The following CNTNAP5 variants were observed in gnomAD, a reference collection of about 807,000 sequenced individuals.
CNTNAP5 encodes the protein contactin associated protein family member 5.
CNTNAP5 carries 72 observed loss-of-function variants against 150.2 expected under a neutral mutation model. The ratio of observed to expected loss-of-function variants is 0.48; its 90% CI spans 0.40 to 0.58. The LOEUF (loss-of-function observed/expected upper bound fraction) is 0.58, where lower values mean the gene tolerates loss of function less well. Among genes scored for constraint, CNTNAP5 ranks in the 20% least tolerant of loss-of-function variants. The pLI, the probability that CNTNAP5 is intolerant of heterozygous loss-of-function variation, is 0.00. For missense variants in CNTNAP5, 1,636 were observed against 1,626.2 expected (o/e 1.01, Z -0.10); for synonymous variants, 672 against 619.8 (o/e 1.08, Z -1.25).
chr2:124,170,401 A>G (rs1684903037), intron 1 of CNTNAP5, among the ~76,000 whole-genome samples: 1 of 152,186 alleles, frequency 6.6e-6, no homozygotes, highest in Non-Finnish European at 1.5e-5. Context: ...TACCTGAGTT[A>G]GCTTTTCAGA....
intron 1 of CNTNAP5, among the ~76,000 whole-genome samples, chr2:124,211,910 G>A (rs747351565): frequency 3.9e-5 from 6 of 152,198 alleles, no homozygotes; most frequent in East Asian, 1.9e-4. Flanking sequence ...CCTGAGAAAC[G>A]AGGATTTTCA....
chr2:124,421,598 T>C (rs1488388015), intron 4 of CNTNAP5, among the ~76,000 whole-genome samples: 1 of 152,140 alleles, frequency 6.6e-6, no homozygotes, highest in Non-Finnish European at 1.5e-5. Flanking sequence ...AGTTCCTGCT[T>C]CCACACTACA....
At chr2:124,462,290 G>A (rs574297323) in intron 6 of CNTNAP5, among the ~76,000 whole-genome samples, 63 of 152,148 alleles carry the variant, frequency 4.1e-4, no homozygotes, top group Non-Finnish European at 6.9e-4. Context: ...GGCTCTGCCT[G>A]TGTATAAGAC....
chr2:124,027,638 C>G (rs550844387), intron 1 of CNTNAP5, among the ~76,000 whole-genome samples: 2 of 152,092 alleles, frequency 1.3e-5, no homozygotes. Context: ...TTATCATTAC[C>G]GATGTAGTAA....
At chr2:124,673,526 G>T (rs7569075) in intron 13 of CNTNAP5, among the ~76,000 whole-genome samples, 34,689 of 151,338 alleles carry the variant, frequency 0.23, 4,469 homozygotes, top group African/African-American at 0.36. Context: ...ACACATGAGG[G>T]TATATGTTAA....
chr2:124,332,617 A>C (rs565046385), intron 3 of CNTNAP5, among the ~76,000 whole-genome samples: 1 of 151,664 alleles, frequency 6.6e-6, no homozygotes, highest in Non-Finnish European at 1.5e-5. Flanking sequence ...ATGAACACTC[A>C]TTTAATTTAA....
At chr2:124,359,112 C>T (rs1690116347) in intron 3 of CNTNAP5, among the ~76,000 whole-genome samples, 1 of 152,130 alleles carries the variant, frequency 6.6e-6, no homozygotes, top group African/African-American at 2.4e-5. Context: ...GTAGTATTCT[C>T]TGATGGTAGT....
chr2:124,238,551 T>C (rs1158478118), intron 2 of CNTNAP5, among the ~76,000 whole-genome samples: 2 of 152,208 alleles, frequency 1.3e-5, no homozygotes, highest in Non-Finnish European at 2.9e-5. Flanking sequence ...GGTGAGATTA[T>C]TTTCTCTTTA....
Position 124,914,260 on chromosome 2 carries a change from G to A in CNTNAP5, c.3896G>A (p.Ser1299Asn), listed in dbSNP as rs756418087. The A allele has an allele frequency of 7.4e-6, 12 of 1,612,084 alleles. No homozygotes were observed. Among genetic ancestry groups the A allele is most frequent in the East Asian group, 6.7e-5 (3 of 44,734 alleles). ...RNEIDLQNTV[S>N]ECKREYFI ...GAAATTGACTTGCAAAACACAGTGA[G>A]CGAGTGTAAACGGGAATATTTCATC... The change falls in exon 24 of 24, where the codon AGC (serine) becomes AAC (asparagine). Residue 1299 changes from serine (S) to asparagine (N), a missense_variant. By Grantham distance (46) the Ser-to-Asn change is conservative. Transcript: ENST00000682447.
At chr2:124,404,672 C>T (rs1023151270) in intron 3 of CNTNAP5, among the ~76,000 whole-genome samples, 1 of 152,194 alleles carries the variant, frequency 6.6e-6, no homozygotes, top group African/African-American at 2.4e-5. Context: ...GTGTGTCAAT[C>T]CCGAGTAAGC....
chr2:124,695,337 T>C (rs1573553093), intron 13 of CNTNAP5, among the ~76,000 whole-genome samples: 1 of 152,154 alleles, frequency 6.6e-6, no homozygotes, highest in East Asian at 1.9e-4. Context: ...AAATCATGAG[T>C]TGAGTATTGT....
intron 21 of CNTNAP5, 133 bp downstream of exon 21, chr2:124,869,895 T>A (rs757064478): frequency 3.5e-5 from 17 of 485,592 alleles, no homozygotes; most frequent in Admixed American, 1.8e-4. Context: ...GAAACCAAGA[T>A]TTCTTATTCA....
chr2:124,445,081 C>CTT (rs1006938474), intron 5 of CNTNAP5, among the ~76,000 whole-genome samples: 10 of 131,820 alleles, frequency 7.6e-5, no homozygotes, highest in Admixed American at 2.3e-4. Flanking sequence ...ACACAAATAT[C>CTT]TTTTTTTTTT....
chr2:124,852,797 A>G (rs1351854201), intron 19 of CNTNAP5, among the ~76,000 whole-genome samples: 1 of 152,208 alleles, frequency 6.6e-6, no homozygotes, highest in Non-Finnish European at 1.5e-5. Context: ...TGCACAATGT[A>G]TTTAGTAGAG....
At chr2:124,855,167 CTTTTTTTTTT>C (rs70999224) in intron 19 of CNTNAP5, among the ~76,000 whole-genome samples, 7 of 71,434 alleles carry the variant, frequency 9.8e-5, no homozygotes, top group African/African-American at 3.0e-4. Context: ...TGGGCTTTTG[CTTTTTTTTTT>C]TTTTTTTTTT....
rs1181764524 is a variant in CNTNAP5 at position 124,786,007 on chromosome 2, A to G, written c.2753-3895A>G. Among the ~76,000 whole-genome samples, 3 of 152,228 alleles carry G rather than the reference A, an allele frequency of 2.0e-5. No homozygotes were observed. The East Asian group carries it at 5.8e-4, about 30-fold the overall frequency. On this transcript the variant is annotated intron_variant, in intron 17 of 23. Transcript: ENST00000682447. Reference sequence around the variant, plus strand: ...TCCCAGCACTTGGAGAGGCCAAGGCAGGAGGATTGCTCGAGCTCAGCGTTT... The same window carrying G: ...TCCCAGCACTTGGAGAGGCCAAGGCGGGAGGATTGCTCGAGCTCAGCGTTT...
At chr2:124,088,866 G>A (rs1682757055) in intron 1 of CNTNAP5, among the ~76,000 whole-genome samples, 1 of 152,114 alleles carries the variant, frequency 6.6e-6, no homozygotes, top group Admixed American at 6.5e-5. Context: ...GGAAGTGCAG[G>A]TTCACCACTC....
At chr2:124,619,795 A>G (rs948281368) in intron 12 of CNTNAP5, among the ~76,000 whole-genome samples, 1 of 148,466 alleles carries the variant, frequency 6.7e-6, no homozygotes, top group African/African-American at 2.5e-5. Context: ...CTAAACCTTC[A>G]TAATCCAATT....
intron 3 of CNTNAP5, among the ~76,000 whole-genome samples, chr2:124,259,965 C>T (rs1170575): frequency 0.33 from 50,652 of 151,940 alleles, 8,822 homozygotes; most frequent in Admixed American, 0.41. Flanking sequence ...AGATTCAATG[C>T]CATCCCCATC....
Sources: gnomAD v4.1 joint callset for allele counts (sites outside exome capture counted in the v4.1 genomes callset) on GRCh38, gnomAD v4.1.1 for gene constraint, MANE v1.5 for transcripts, NCBI Gene and HGNC (gene_info 2026-07-23, HGNC 2026-07-21) for gene names.